Variants in RABGAP1L observed in about 807,000 individuals in gnomAD.
RABGAP1L encodes the protein RAB GTPase activating protein 1 like.
RABGAP1L carries 63 observed loss-of-function variants against 137.7 expected under a neutral mutation model. The observed-to-expected ratio is 0.46, with a 90% CI of 0.37 to 0.56. The LOEUF (loss-of-function observed/expected upper bound fraction) is 0.56. RABGAP1L is among the 20% of genes least tolerant of loss of function. The pLI, the probability that RABGAP1L is intolerant of heterozygous loss-of-function variation, is 0.00. For synonymous variants in RABGAP1L, 431 were observed against 433.7 expected, an observed-to-expected ratio of 0.99 and a Z score of 0.08; for missense variants, 1,095 against 1,244.0, an observed-to-expected ratio of 0.88 and a Z score of 1.80.
chr1:174,781,972 T>C (rs1687048863), intron 18 of RABGAP1L, among the ~76,000 whole-genome samples: 1 of 152,234 alleles, frequency 6.6e-6, no homozygotes. Context: ...ACTGTAGCCT[T>C]GTAATATAAT....
intron 11 of RABGAP1L, among the ~76,000 whole-genome samples, chr1:174,308,927 G>A (rs185935217): frequency 6.6e-6 from 1 of 151,902 alleles, no homozygotes; most frequent in African/African-American, 2.4e-5. Flanking sequence ...TTGGAATTTT[G>A]TTAGGGATTG....
intron 13 of RABGAP1L, among the ~76,000 whole-genome samples, chr1:174,477,584 C>T (rs1047909731): frequency 6.6e-6 from 1 of 152,142 alleles, no homozygotes; most frequent in Non-Finnish European, 1.5e-5. Context: ...TCAAGGTTCT[C>T]ATGGGGGAGA....
chr1:174,820,858 A>G (rs1169670399), intron 19 of RABGAP1L, among the ~76,000 whole-genome samples: 1 of 151,992 alleles, frequency 6.6e-6, no homozygotes, highest in Non-Finnish European at 1.5e-5. Flanking sequence ...ATCTACTAAA[A>G]TACAAAAATT....
chr1:174,567,933 A>G (rs1667692933), intron 13 of RABGAP1L, among the ~76,000 whole-genome samples: 1 of 152,310 alleles, frequency 6.6e-6, no homozygotes, highest in South Asian at 2.1e-4. Flanking sequence ...TAATCTTTCT[A>G]AGCTTTAATT....
At chr1:174,421,792 G>T (rs1368873133) in intron 13 of RABGAP1L, among the ~76,000 whole-genome samples, 1 of 151,986 alleles carries the variant, frequency 6.6e-6, no homozygotes, top group Non-Finnish European at 1.5e-5. Context: ...TTTTTGAGAC[G>T]GAGTCTCACT....
At chr1:174,722,228 G>A (rs927011572) in intron 17 of RABGAP1L, among the ~76,000 whole-genome samples, 7 of 151,828 alleles carry the variant, frequency 4.6e-5, no homozygotes, top group South Asian at 4.2e-4. Flanking sequence ...GCGCCTGGCC[G>A]ATACTCAATT....
In RABGAP1L at chr1:174,328,011, A is replaced by ATATATATATG. The variant is rs1558136490; in HGVS notation, c.1465+22893_1465+22894insGTATATATAT. Among the ~76,000 whole-genome samples the ATATATATATG allele has an allele frequency of 6.6e-4, 89 of 134,846 alleles. 3 individuals are homozygous for ATATATATATG. The highest frequency in any genetic ancestry group is 2.5e-3 in the African/African-American group (82 of 33,296). The allele number at this position is 134,846 out of a possible 152,430, so 88.5% of individuals were successfully genotyped here. ...CATATATATATATATATATATATAT[A>ATATATATATG]TATATATATATATACCCAACATCAG... On this transcript the variant is annotated intron_variant, in intron 11 of 25. Coordinates refer to ENST00000681986, the MANE Select transcript of RABGAP1L (RefSeq NM_001366446.1).
intron 1 of RABGAP1L, among the ~76,000 whole-genome samples, chr1:174,207,307 C>T (rs1030010803): frequency 3.3e-5 from 5 of 152,280 alleles, no homozygotes; most frequent in African/African-American, 9.6e-5. Flanking sequence ...CTGAAGTTCA[C>T]TAGAACAGTG....
Position 174,978,836 on chromosome 1 carries a change from G to A in RABGAP1L, c.2679G>A (p.Glu893=), listed in dbSNP as rs957721588. The stretch of plus-strand genomic sequence containing the variant: ...AAGAAGTCTTCAGGAAACAGCTAGA[G>A]AAGGCAGAATATGAAATAAAGAAGA... ...QLKEVFRKQL[E]KAEYEIKKTT... is the part of the protein sequence containing the mutation. Residue 893 remains glutamate, a synonymous_variant, in exon 23 of 26, where the codon GAG becomes GAA. Transcript: ENST00000681986. The A allele has an allele frequency of 1.3e-6, 2 of 1,544,404 alleles. No individual in the cohort carries two copies. Among genetic ancestry groups the A allele is most frequent in the Non-Finnish European group, 1.7e-6 (2 of 1,144,964 alleles).
intron 19 of RABGAP1L, among the ~76,000 whole-genome samples, chr1:174,899,527 G>A (rs1657792345): frequency 6.6e-6 from 1 of 152,108 alleles, no homozygotes; most frequent in African/African-American, 2.4e-5. Flanking sequence ...TTTTAGAGTA[G>A]GGGACTTGGA....
At chr1:174,722,610 T>C (rs1448705143) in intron 17 of RABGAP1L, among the ~76,000 whole-genome samples, 1 of 151,846 alleles carries the variant, frequency 6.6e-6, no homozygotes, top group Non-Finnish European at 1.5e-5. Flanking sequence ...CCACCACGTC[T>C]GGCTAATTTT....
At chr1:174,240,930 G>A (rs1235666918) in intron 4 of RABGAP1L, among the ~76,000 whole-genome samples, 1 of 101,038 alleles carries the variant, frequency 9.9e-6, no homozygotes, top group African/African-American at 6.7e-5. Context: ...TTATGTGTAT[G>A]TGTGTGTTTG....
chr1:174,526,088 T>C (rs2147865823), intron 13 of RABGAP1L, among the ~76,000 whole-genome samples: 1 of 152,296 alleles, frequency 6.6e-6, no homozygotes, highest in South Asian at 2.1e-4. Flanking sequence ...TTTTGAGAAT[T>C]GTCTATTCAT....
intron 14 of RABGAP1L, among the ~76,000 whole-genome samples, chr1:174,639,938 T>A (rs978052915): frequency 6.6e-6 from 1 of 152,180 alleles, no homozygotes; most frequent in Non-Finnish European, 1.5e-5. Context: ...TAAACCATTT[T>A]AAAACTCTTT....
chr1:174,747,255 T>C (rs1488668237), intron 17 of RABGAP1L, among the ~76,000 whole-genome samples: 5 of 151,952 alleles, frequency 3.3e-5, no homozygotes, highest in African/African-American at 1.2e-4. Flanking sequence ...AATTAAAAAT[T>C]AGCCAGATAT....
At chr1:174,276,927 C>A (rs912692715) in intron 9 of RABGAP1L, among the ~76,000 whole-genome samples, 2 of 151,886 alleles carry the variant, frequency 1.3e-5, no homozygotes, top group East Asian at 3.9e-4. Context: ...ATATGCCTAC[C>A]CTAAGTGCTT....
chr1:174,441,757 A>G (rs1654180389), intron 13 of RABGAP1L, among the ~76,000 whole-genome samples: 1 of 152,038 alleles, frequency 6.6e-6, no homozygotes, highest in Non-Finnish European at 1.5e-5. Flanking sequence ...CAAACAAACA[A>G]ATAAAAAACG....
At chr1:174,205,821 T>A (rs1279163620) in intron 1 of RABGAP1L, among the ~76,000 whole-genome samples, 1 of 152,236 alleles carries the variant, frequency 6.6e-6, no homozygotes, top group Admixed American at 6.5e-5. Context: ...AGCTTTGGTG[T>A]TGATTTCTTC....
At chr1:174,468,067 T>C (rs1000195404) in intron 13 of RABGAP1L, among the ~76,000 whole-genome samples, 1 of 152,138 alleles carries the variant, frequency 6.6e-6, no homozygotes, top group African/African-American at 2.4e-5. Context: ...TATGGGATTA[T>C]ATTATAAAGA....
Sources: gnomAD v4.1 joint callset for allele counts (sites outside exome capture counted in the v4.1 genomes callset) on GRCh38, gnomAD v4.1.1 for gene constraint, MANE v1.5 for transcripts, NCBI Gene and HGNC (gene_info 2026-07-23, HGNC 2026-07-21) for gene names.